The following NALF1 variants were observed in gnomAD, a reference collection of about 807,000 sequenced individuals.
NALF1 encodes the protein family with sequence similarity 155 member A.
A neutral mutation model predicts 48.4 loss-of-function variants in NALF1; 3 were observed. The observed-to-expected ratio is 0.06, with a 90% CI of 0.03 to 0.16. The LOEUF is 0.16. Among genes scored for constraint, NALF1 ranks in the 10% least tolerant of loss-of-function variants. The pLI is 1.00. For synonymous variants in NALF1, 262 were observed against 245.7 expected, an observed-to-expected ratio of 1.07 and a Z score of -0.62; for missense variants, 526 against 571.5, an observed-to-expected ratio of 0.92 and a Z score of 0.81.
intron 1 of NALF1, among the ~76,000 whole-genome samples, chr13:107,816,288 T>C (rs966274259): frequency 6.6e-6 from 1 of 152,160 alleles, no homozygotes; most frequent in Admixed American, 6.5e-5. Context: ...CATTAGTCCA[T>C]TTTCACGCTG....
chr13:107,582,477 C>T (rs1462180956), intron 1 of NALF1, among the ~76,000 whole-genome samples: 2 of 152,128 alleles, frequency 1.3e-5, no homozygotes, highest in South Asian at 2.1e-4. Context: ...AAAAGATAAC[C>T]CTTGCAAACT....
At chr13:107,552,194 G>T (rs1034506593) in intron 1 of NALF1, among the ~76,000 whole-genome samples, 1 of 152,110 alleles carries the variant, frequency 6.6e-6, no homozygotes, top group East Asian at 1.9e-4. Flanking sequence ...ATTCTATGCA[G>T]AATGTAAATT....
At chr13:107,242,979 C>G (rs531559888) in intron 1 of NALF1, among the ~76,000 whole-genome samples, 1 of 152,214 alleles carries the variant, frequency 6.6e-6, no homozygotes, top group African/African-American at 2.4e-5. Flanking sequence ...GCCAAGCCAC[C>G]CTCCCTCTCA....
At chr13:107,662,979 A>G (rs1033508793) in intron 1 of NALF1, among the ~76,000 whole-genome samples, 1 of 152,184 alleles carries the variant, frequency 6.6e-6, no homozygotes, top group Non-Finnish European at 1.5e-5. Flanking sequence ...TGATATTTAT[A>G]TATTATTTAA....
chr13:107,725,795 A>G (rs1876132183), intron 1 of NALF1, among the ~76,000 whole-genome samples: 1 of 152,162 alleles, frequency 6.6e-6, no homozygotes, highest in Non-Finnish European at 1.5e-5. Context: ...CAGTGGATAC[A>G]TTTTTTTGTT....
intron 1 of NALF1, among the ~76,000 whole-genome samples, chr13:107,647,453 A>C (rs1880342534): frequency 6.6e-6 from 1 of 150,804 alleles, no homozygotes. Flanking sequence ...ATGGTGTACT[A>C]TGTTTTATCG....
At chr13:107,752,790 T>C (rs538888769) in intron 1 of NALF1, among the ~76,000 whole-genome samples, 2 of 152,186 alleles carry the variant, frequency 1.3e-5, no homozygotes, top group South Asian at 4.1e-4. Context: ...AGTAAGTCAT[T>C]GTATAATTGG....
At chr13:107,816,039 A>G (rs995138174) in intron 1 of NALF1, among the ~76,000 whole-genome samples, 1 of 152,160 alleles carries the variant, frequency 6.6e-6, no homozygotes, top group African/African-American at 2.4e-5. Context: ...ACAGAGAAAA[A>G]TGTTCCAAAA....
chr13:107,510,774 T>C (rs1875861771), intron 1 of NALF1, among the ~76,000 whole-genome samples: 1 of 152,140 alleles, frequency 6.6e-6, no homozygotes, highest in Admixed American at 6.6e-5. Context: ...CATTCACACC[T>C]GAGCACAGAC....
chr13:107,309,514 GT>G (rs1882004022), intron 1 of NALF1, among the ~76,000 whole-genome samples: 2 of 152,218 alleles, frequency 1.3e-5, no homozygotes, highest in African/African-American at 4.8e-5. Context: ...ATTCGGGAAA[GT>G]GTAAGCTGAC....
intron 1 of NALF1, among the ~76,000 whole-genome samples, chr13:107,641,448 A>G (rs1354523216): frequency 6.6e-6 from 1 of 152,204 alleles, no homozygotes; most frequent in Non-Finnish European, 1.5e-5. Flanking sequence ...GAGGTGATGG[A>G]TAAGTCCACT....
chr13:107,198,529 C>T (rs189363343), intron 2 of NALF1, among the ~76,000 whole-genome samples: 222 of 152,336 alleles, frequency 1.5e-3, no homozygotes, highest in Non-Finnish European at 2.8e-3. Flanking sequence ...TCCTCCAGAA[C>T]TTCTGAAGCA....
At chr13:107,657,357 T>C (rs1244744293) in intron 1 of NALF1, among the ~76,000 whole-genome samples, 2 of 152,096 alleles carry the variant, frequency 1.3e-5, no homozygotes, top group African/African-American at 4.8e-5. Context: ...AGGTATGCCA[T>C]CATCAAATAG....
At chr13:107,785,949 T>C (rs907375182) in intron 1 of NALF1, among the ~76,000 whole-genome samples, 6 of 152,132 alleles carry the variant, frequency 3.9e-5, no homozygotes, top group African/African-American at 1.4e-4. Flanking sequence ...AGGGGTACCA[T>C]GAACTTTGGT....
intron 1 of NALF1, among the ~76,000 whole-genome samples, chr13:107,787,045 C>T (rs1878096738): frequency 6.6e-6 from 1 of 152,180 alleles, no homozygotes; most frequent in African/African-American, 2.4e-5. Context: ...ATAATCATTT[C>T]ATGCTATTAT....
chr13:107,773,689 T>C (rs1176062519), intron 1 of NALF1, among the ~76,000 whole-genome samples: 1 of 119,094 alleles, frequency 8.4e-6, no homozygotes, highest in Non-Finnish European at 1.6e-5. Context: ...TGAGAACACA[T>C]GGACACAGGA....
intron 1 of NALF1, among the ~76,000 whole-genome samples, chr13:107,449,077 C>G (rs1350438373): frequency 6.6e-6 from 1 of 152,082 alleles, no homozygotes; most frequent in Non-Finnish European, 1.5e-5. Context: ...AACCCCGTCT[C>G]AACTAAAAAT....
intron 1 of NALF1, among the ~76,000 whole-genome samples, chr13:107,322,523 A>T (rs900561723): frequency 6.6e-6 from 1 of 152,158 alleles, no homozygotes; most frequent in African/African-American, 2.4e-5. Flanking sequence ...GAATTAAAAA[A>T]ATACTCCATT....
intron 1 of NALF1, among the ~76,000 whole-genome samples, chr13:107,555,175 G>A (rs1412946389): frequency 7.2e-5 from 11 of 152,078 alleles, no homozygotes; most frequent in East Asian, 5.8e-4. Flanking sequence ...CACGAGAATA[G>A]GGCTCCAAAC....
Sources: allele counts gnomAD v4.1 joint callset (sites outside exome capture counted in the v4.1 genomes callset), GRCh38; gene constraint gnomAD v4.1.1; transcripts MANE v1.5; gene names NCBI Gene and HGNC (gene_info 2026-07-23, HGNC 2026-07-21).